Variants in SMIM7 observed in about 807,000 individuals in gnomAD.
SMIM7 encodes small integral membrane protein 7.
In SMIM7, 12 loss-of-function variants were observed where a neutral mutation model predicts 13.3. The observed-to-expected ratio is 0.90, with a 90% CI of 0.58 to 1.46. SMIM7 has a LOEUF of 1.46. Among genes scored for constraint, SMIM7 ranks in the 40% most tolerant of loss-of-function variants. The pLI, the probability that SMIM7 is intolerant of heterozygous loss-of-function variation, is 0.00. For synonymous variants in SMIM7, 36 were observed against 35.8 expected, an observed-to-expected ratio of 1.01 and a Z score of -0.02; for missense variants, 114 against 94.8, an observed-to-expected ratio of 1.20 and a Z score of -0.84.
rs896836575 is a variant in SMIM7 at position 16,659,788 on chromosome 19, G to T, written c.68+171C>A. 17 of 839,696 alleles carry T rather than the reference G, an allele frequency of 2.0e-5. No homozygotes were observed. In the East Asian group the frequency reaches 4.5e-4, roughly 22 times the overall value. 52.0% of individuals were successfully genotyped at this position (839,696 alleles called of 1,614,324 possible). On this transcript the variant is annotated intron_variant, in intron 2 of 4. Coordinates refer to ENST00000487416, the MANE Select transcript of SMIM7 (RefSeq NM_024104.4). ...GGAGAGTATGGGTTTAAGGTCTCTC[G>T]GGGGGTGGGGGGCGAGGAAGATAAA... is the stretch of plus-strand genomic sequence containing the variant.
chr19:16,649,961 A>C (rs374253510), intron 4 of SMIM7, among the ~76,000 whole-genome samples: 1 of 152,070 alleles, frequency 6.6e-6, no homozygotes, highest in African/African-American at 2.4e-5. Flanking sequence ...GTTGCCAGGG[A>C]CTAAGGGAGG....
chr19:16,657,900 T>C (rs2086617361), intron 3 of SMIM7, among the ~76,000 whole-genome samples: 1 of 152,158 alleles, frequency 6.6e-6, no homozygotes, highest in Non-Finnish European at 1.5e-5. Context: ...CCAGGCGTGG[T>C]AGTAAGTGCC....
chr19:16,657,509 G>C (rs1383732081), intron 3 of SMIM7, among the ~76,000 whole-genome samples: 1 of 152,200 alleles, frequency 6.6e-6, no homozygotes, highest in South Asian at 2.1e-4. Context: ...GTGCACAACC[G>C]CTAGAGTCAG....
chr19:16,638,301 C>CTTTTTTTTTTTTT (rs375558591), intron 4 of SMIM7, among the ~76,000 whole-genome samples: 1 of 122,780 alleles, frequency 8.1e-6, no homozygotes, highest in Admixed American at 8.6e-5. Context: ...TTTCTTTTTT[C>CTTTTTTTTTTTTT]TTTTTTTTTT....
chr19:16,648,564 C>CA (rs2122518445), intron 4 of SMIM7, among the ~76,000 whole-genome samples: 1 of 152,294 alleles, frequency 6.6e-6, no homozygotes, highest in East Asian at 1.9e-4. Flanking sequence ...CGAGAATACA[C>CA]AAAGAACCCT....
At chr19:16,649,740 T>C (rs1221526987) in intron 4 of SMIM7, among the ~76,000 whole-genome samples, 1 of 152,164 alleles carries the variant, frequency 6.6e-6, no homozygotes, top group African/African-American at 2.4e-5. Context: ...GTCCACCAAC[T>C]GACAGATGGA....
chr19:16,656,297 A>C (rs192297661), intron 3 of SMIM7, among the ~76,000 whole-genome samples: 303 of 152,292 alleles, frequency 2.0e-3, no homozygotes, highest in Non-Finnish European at 3.5e-3. Context: ...CTGAGGCACG[A>C]AAATCACTTG....
intron 1 of SMIM7, 28 bp from the exon 2 acceptor site, chr19:16,660,028 G>A: frequency 6.2e-7 from 1 of 1,614,030 alleles, no homozygotes; most frequent in Non-Finnish European, 8.5e-7. Flanking sequence ...CAGTTACTAG[G>A]GGCGCCCCCG....
At chr19:16,660,027 G>A (rs750308169) in intron 1 of SMIM7, 27 bp from the exon 2 acceptor site, 1 of 1,614,040 alleles carries the variant, frequency 6.2e-7, no homozygotes, top group Admixed American at 1.7e-5. Flanking sequence ...ACAGTTACTA[G>A]GGGCGCCCCC....
rs79485305 is a variant in SMIM7 at position 16,632,986 on chromosome 19, G to A, written c.*138-1262C>T. ...TCACTGAAGCACTATTTGTAAGAGT[G>A]AAAGATTGGAAGCAATGTAAGTGCC... On this transcript the variant is annotated intron_variant and NMD_transcript_variant, in intron 4 of 4. Transcript: ENST00000465250. Among the ~76,000 whole-genome samples, 7 of 152,196 alleles carry A rather than the reference G, an allele frequency of 4.6e-5. No individual in the cohort carries two copies. In the East Asian group the frequency reaches 1.2e-3, roughly 25 times the overall value.
chr19:16,650,729 A>T (rs911526110), intron 4 of SMIM7, among the ~76,000 whole-genome samples: 19 of 151,580 alleles, frequency 1.3e-4, no homozygotes, highest in African/African-American at 4.6e-4. Flanking sequence ...AAAAAAAAGA[A>T]GAAATAGGCA....
intron 4 of SMIM7, among the ~76,000 whole-genome samples, chr19:16,648,370 ACC>A (rs2086476837): frequency 6.6e-6 from 1 of 151,582 alleles, no homozygotes; most frequent in Non-Finnish European, 1.5e-5. Flanking sequence ...CAAACTCCTG[ACC>A]TCAAGTGATC....
chr19:16,656,529 A>G (rs2122549298), intron 3 of SMIM7, among the ~76,000 whole-genome samples: 1 of 152,230 alleles, frequency 6.6e-6, no homozygotes, highest in Middle Eastern at 3.4e-3. Flanking sequence ...TCTGGTGGGA[A>G]AGTTTGGGTG....
At chr19:16,655,905 A>G (rs987172515) in intron 3 of SMIM7, among the ~76,000 whole-genome samples, 1 of 152,176 alleles carries the variant, frequency 6.6e-6, no homozygotes, top group African/African-American at 2.4e-5. Context: ...GCCTAGTATT[A>G]TCTAGCCGAC....
intron 4 of SMIM7, among the ~76,000 whole-genome samples, chr19:16,638,392 C>T (rs2086377195): frequency 6.6e-6 from 1 of 151,098 alleles, no homozygotes; most frequent in Non-Finnish European, 1.5e-5. Flanking sequence ...CAACCCCTGC[C>T]TCCCGGGTTC....
chr19:16,653,832 T>G lies in SMIM7; in HGVS notation c.212+203A>C, dbSNP rs573394043. ...ATCGCTTAGACCTAAGAGGCCGAGGTTGCAGTGAGCCCAGATCGCACCACT... is the reference window on the plus strand; with the variant it reads ...ATCGCTTAGACCTAAGAGGCCGAGGGTGCAGTGAGCCCAGATCGCACCACT... On this transcript the variant is annotated intron_variant, in intron 4 of 4. Coordinates refer to ENST00000487416, the MANE Select transcript of SMIM7 (RefSeq NM_024104.4). 5.5e-6 allele frequency: 3 copies of G among 549,636 alleles called. No homozygotes were observed. In the African/African-American group the frequency reaches 5.8e-5, roughly 11 times the overall value. The allele number at this position is 549,636 out of a possible 1,614,324, so 34.0% of individuals were successfully genotyped here. A position where few individuals can be genotyped will look rare whatever the true frequency, so the allele number is the denominator to read the frequency against.
chr19:16,655,810 A>C (rs929126770), intron 3 of SMIM7, among the ~76,000 whole-genome samples: 8 of 151,726 alleles, frequency 5.3e-5, no homozygotes, highest in Non-Finnish European at 5.9e-5. Flanking sequence ...AGAAATTTCT[A>C]CTTTTTCAGG....
At chr19:16,647,458 ACT>A (rs567576405) in intron 4 of SMIM7, among the ~76,000 whole-genome samples, 197 bp from the exon 5 acceptor site, 244 of 149,464 alleles carry the variant, frequency 1.6e-3, no homozygotes, top group African/African-American at 5.7e-3. Context: ...AGAAGAATAT[ACT>A]CTTTTTTTTT....
At chr19:16,655,073 A>T (rs1316106169) in intron 3 of SMIM7, among the ~76,000 whole-genome samples, 2 of 152,106 alleles carry the variant, frequency 1.3e-5, no homozygotes, top group Non-Finnish European at 2.9e-5. Context: ...CCCAACCCTA[A>T]TCTTGAAGGA....
Sources: allele counts gnomAD v4.1 joint callset (sites outside exome capture counted in the v4.1 genomes callset), GRCh38; gene constraint gnomAD v4.1.1; transcripts MANE v1.5; gene names NCBI Gene and HGNC (gene_info 2026-07-23, HGNC 2026-07-21).